The following NAF1 variants were observed in gnomAD, a reference collection of about 807,000 sequenced individuals.
The protein encoded by NAF1 is nuclear assembly factor 1 ribonucleoprotein.
NAF1 carries 11 observed loss-of-function variants against 40.6 expected under a neutral mutation model. The observed-to-expected ratio is 0.27, with a 90% confidence interval of 0.17 to 0.45. The LOEUF (loss-of-function observed/expected upper bound fraction) is 0.45. Ranked by LOEUF, NAF1 falls within the 20% of genes least tolerant of loss-of-function variation. NAF1 has a pLI of 1.00. For synonymous variants in NAF1, 260 were observed against 228.5 expected, an observed-to-expected ratio of 1.14 and a Z score of -1.24; for missense variants, 607 against 611.1, an observed-to-expected ratio of 0.99 and a Z score of 0.07.
rs1730774511 is a variant in NAF1, at chr4:163,129,222, T to C, written c.1160A>G (p.His387Arg). ...GAAATGCTGAGGTGGAGGCCTGCCA[T>C]GGCAAGATCGAGGGTATCTGGCCCT... ...FSRARYPRSC[H>R]GRPPPQHFYN... Residue 387 changes from histidine to arginine, a missense_variant, in exon 8 of 8, where the codon CAT becomes CGT. By Grantham distance (29) the His-to-Arg change is conservative. Transcript: ENST00000274054. 3.7e-6 allele frequency: 6 copies of C among 1,613,772 alleles called. 1 individual carries two copies. The highest frequency in any genetic ancestry group is 1.7e-5 in the Admixed American group (1 of 59,998).
intron 2 of NAF1, among the ~76,000 whole-genome samples, chr4:163,121,501 T>C (rs961142705): frequency 6.6e-6 from 1 of 152,186 alleles, no homozygotes; most frequent in Non-Finnish European, 1.5e-5. Context: ...TGAATTCTTG[T>C]GAATAATACT....
chr4:163,158,260 T>C (rs775044702), intron 2 of NAF1: 25 of 152,088 alleles, frequency 1.6e-4, no homozygotes, highest in Admixed American at 1.4e-3. Context: ...TTTTCAGATA[T>C]GGTTGGAAAG....
At chr4:163,124,747 T>C (rs1295186407), downstream of NAF1, among the ~76,000 whole-genome samples, 2 of 152,208 alleles carry the variant, frequency 1.3e-5, no homozygotes, top group African/African-American at 2.4e-5. Context: ...TCAAATGGTA[T>C]AATTCAGATG....
chr4:163,132,912 A>C (rs576946946), intron 7 of NAF1, among the ~76,000 whole-genome samples: 1 of 152,382 alleles, frequency 6.6e-6, no homozygotes, highest in East Asian at 1.9e-4. Flanking sequence ...AGGTATCTTA[A>C]GAAAAAAGTG....
chr4:163,128,476 TC>T (rs1730733693), downstream of NAF1, among the ~76,000 whole-genome samples: 1 of 152,052 alleles, frequency 6.6e-6, no homozygotes, highest in African/African-American at 2.4e-5. Flanking sequence ...AAAATTGATT[TC>T]CAAAGTATAA....
chr4:163,154,386 A>G (rs1451941514), intron 2 of NAF1, among the ~76,000 whole-genome samples: 1 of 152,266 alleles, frequency 6.6e-6, no homozygotes, highest in Non-Finnish European at 1.5e-5. Flanking sequence ...AAAACTAAAT[A>G]GTATATACAA....
At chr4:163,124,593 C>A (rs559870780), downstream of NAF1, among the ~76,000 whole-genome samples, 7 of 152,046 alleles carry the variant, frequency 4.6e-5, no homozygotes, top group Non-Finnish European at 1.0e-4. Context: ...TGCAACCACA[C>A]ATTTTATTTT....
chr4:163,115,844 C>A (rs1293926151), intron 2 of NAF1, among the ~76,000 whole-genome samples: 1 of 152,140 alleles, frequency 6.6e-6, no homozygotes, highest in East Asian at 1.9e-4. Flanking sequence ...TGTACAAATG[C>A]AACAAAATCT....
downstream of NAF1, among the ~76,000 whole-genome samples, chr4:163,107,228 C>G (rs193054836): frequency 6.6e-6 from 1 of 152,194 alleles, no homozygotes; most frequent in African/African-American, 2.4e-5. Context: ...TTCAAGTGAT[C>G]CGCCCGCCTT....
chr4:163,109,533 G>GA (rs893354902), downstream of NAF1, among the ~76,000 whole-genome samples: 4 of 151,738 alleles, frequency 2.6e-5, no homozygotes, highest in African/African-American at 4.8e-5. Flanking sequence ...TGTCTAGGAA[G>GA]AAAAAAAATC....
In NAF1 at chr4:163,128,965, GAGGGGGTGGGGGT is replaced by G; in HGVS notation, c.1404_1416del (p.Pro470LeufsTer23). On this transcript the variant is annotated frameshift_variant, in exon 8 of 8. Coordinates refer to ENST00000274054, the MANE Select transcript of NAF1 (RefSeq NM_138386.3). LOFTEE classifies it high-confidence loss of function. Reference sequence around the variant, plus strand: ...GGTGGAGGAGGCAGTGGTGGAGGGGGAGGGGGTGGGGGTAGGGAGTATGGTAAGTTAAGTAATG... The same window carrying G: ...GGTGGAGGAGGCAGTGGTGGAGGGGGAGGGAGTATGGTAAGTTAAGTAATG... 1 of 1,391,008 alleles carries G rather than the reference GAGGGGGTGGGGGT, an allele frequency of 7.2e-7. No individual in the cohort carries two copies. Among genetic ancestry groups the G allele is most frequent in the Non-Finnish European group, 1.0e-6 (1 of 994,052 alleles). 86.2% of individuals were successfully genotyped at this position (1,391,008 alleles called of 1,614,324 possible).
chr4:163,146,990 G>GT (rs1731497564), intron 3 of NAF1, among the ~76,000 whole-genome samples: 1 of 152,032 alleles, frequency 6.6e-6, no homozygotes, highest in Non-Finnish European at 1.5e-5. Flanking sequence ...AAATTTTTCT[G>GT]TATACATCAA....
At chr4:163,108,463 G>T (rs578087493), downstream of NAF1, among the ~76,000 whole-genome samples, 46 of 152,222 alleles carry the variant, frequency 3.0e-4, no homozygotes, top group Middle Eastern at 0.017. Context: ...CTTCAATTAT[G>T]AAAAGAAAAT....
intron 4 of NAF1, among the ~76,000 whole-genome samples, chr4:163,144,271 C>A (rs1253554817): frequency 6.6e-6 from 1 of 152,146 alleles, no homozygotes; most frequent in Non-Finnish European, 1.5e-5. Flanking sequence ...TGAACCTGGG[C>A]TGTAAACTCA....
intron 6 of NAF1, chr4:163,135,966 AATAC>A (rs993936633): frequency 6.6e-6 from 1 of 152,224 alleles, no homozygotes; most frequent in African/African-American, 2.4e-5. Context: ...AAATCACATA[AATAC>A]ATAACATTAA....
chr4:163,112,010 C>CTGATTAG (rs1030349545), intron 2 of NAF1, among the ~76,000 whole-genome samples: 17 of 151,884 alleles, frequency 1.1e-4, no homozygotes, highest in African/African-American at 3.6e-4. Context: ...AGGGGGAAGC[C>CTGATTAG]TGATTAGAAT....
chr4:163,126,903 A>C, downstream of NAF1: 2 of 1,475,616 alleles, frequency 1.4e-6, no homozygotes, highest in South Asian at 2.8e-5. Flanking sequence ...TGCAGGCTCA[A>C]AGGGTCATTA....
At chr4:163,104,364 T>G in the NAF1 span, among the ~76,000 whole-genome samples, 1 of 152,196 alleles carries the variant, frequency 6.6e-6, no homozygotes, top group Admixed American at 6.5e-5. Context: ...AATGCCATAT[T>G]TGGTGTACTT....
rs1306799493 is a variant in NAF1, at chr4:163,148,440, A to C, written c.541-6T>G. ...TCTTCAACAGAAGGCAGTTCCTATA[A>C]TTTAAAACAAAACAAAACATTAAAC... On this transcript the variant is annotated splice_polypyrimidine_tract_variant and splice_region_variant and intron_variant, in intron 2 of 7. Coordinates refer to ENST00000274054, the MANE Select transcript of NAF1 (RefSeq NM_138386.3). The C allele has an allele frequency of 6.5e-7, 1 of 1,550,186 alleles. No homozygotes were observed.
Sources: gnomAD v4.1 joint callset for allele counts (sites outside exome capture counted in the v4.1 genomes callset) on GRCh38, gnomAD v4.1.1 for gene constraint, MANE v1.5 for transcripts, NCBI Gene and HGNC (gene_info 2026-07-23, HGNC 2026-07-21) for gene names.